The following SLC32A1 variants were observed in gnomAD, a reference collection of about 807,000 sequenced individuals.
SLC32A1 encodes the protein vesicular inhibitory amino acid transporter.
Under a neutral mutation model 35.5 loss-of-function variants are expected in SLC32A1, and 8 were observed. That is an observed-to-expected ratio of 0.23 (90% CI 0.13 to 0.41). The LOEUF is 0.41. Among genes scored for constraint, SLC32A1 ranks in the 10% least tolerant of loss-of-function variants. The pLI is 1.00. For missense variants in SLC32A1, 493 were observed against 722.3 expected (o/e 0.68, Z 3.64); for synonymous variants, 317 against 326.3 (o/e 0.97, Z 0.31).
In SLC32A1 at chr20:38,727,741, A is replaced by G. The variant is rs1291265376; in HGVS notation, c.680A>G (p.Asn227Ser). The G allele has an allele frequency of 6.2e-7, 1 of 1,613,936 alleles. No individual in the cohort carries two copies. The highest frequency in any genetic ancestry group is 1.1e-5 in the South Asian group (1 of 91,058). Reference protein sequence around the residue: ...TCILYVVVSGNLMYNSFPGLP... With the variant: ...TCILYVVVSGSLMYNSFPGLP... ...ATCCTGTACGTGGTGGTGAGTGGCA[A>G]CCTCATGTACAACAGCTTCCCGGGG... is the stretch of plus-strand genomic sequence containing the variant. Residue 227 changes from asparagine to serine, a missense_variant, in exon 2 of 2, where the codon AAC (asparagine) becomes AGC (serine). By Grantham distance (46) the Asn-to-Ser change is conservative (BLOSUM62 1). Coordinates refer to ENST00000217420, the MANE Select transcript of SLC32A1 (RefSeq NM_080552.3).
Position 38,729,094 on chromosome 20 carries a change from C to T in SLC32A1, c.*455C>T, listed in dbSNP as rs1470332755. On this transcript the variant is annotated 3_prime_UTR_variant, in exon 2 of 2. Coordinates refer to ENST00000217420, the MANE Select transcript of SLC32A1 (RefSeq NM_080552.3). ...AGCGCTTCCCATTCCGGAGACGTTT[C>T]AACCCTGCAGCGGGAAAGGCTGACT... 1 of 157,010 alleles carries T rather than the reference C, an allele frequency of 6.4e-6. No homozygotes were observed. Among genetic ancestry groups the T allele is most frequent in the African/African-American group, 2.4e-5 (1 of 41,636 alleles). The allele number at this position is 157,010 out of a possible 1,614,324, so 9.7% of individuals were successfully genotyped here. A position where few individuals can be genotyped will look rare whatever the true frequency, so the allele number is the denominator to read the frequency against.
chr20:38,728,988 G>A lies in SLC32A1; in HGVS notation c.*349G>A. 3.7e-6 allele frequency: 1 copy of A among 268,366 alleles called. No individual in the cohort carries two copies. The highest frequency in any genetic ancestry group is 9.1e-5 in the South Asian group (1 of 10,978). The allele number at this position is 268,366 out of a possible 1,614,324, so 16.6% of individuals were successfully genotyped here. A position where few individuals can be genotyped will look rare whatever the true frequency, so the allele number is the denominator to read the frequency against. The stretch of plus-strand genomic sequence containing the variant: ...GGAGGGAGAGGGGGCGCAGCTCGCA[G>A]GCGTGGCAACTTGACCTTGGGGGAA... On this transcript the variant is annotated 3_prime_UTR_variant, in exon 2 of 2. Transcript: ENST00000217420.
At chr20:38,727,132 C>T (rs1476747078) in intron 1 of SLC32A1, among the ~76,000 whole-genome samples, 1 of 152,162 alleles carries the variant, frequency 6.6e-6, no homozygotes, top group African/African-American at 2.4e-5. Flanking sequence ...TCTCCCTTCC[C>T]TCCTGTGGCT....
chr20:38,725,244 C>CCAT (rs1189763615), intron 1 of SLC32A1, 130 bp downstream of exon 1: 13 of 1,195,890 alleles, frequency 1.1e-5, no homozygotes, highest in Middle Eastern at 3.0e-4. Context: ...CTCCCTTTCT[C>CCAT]CATCCCTCCC....
At position 38,727,445 on chromosome 20, in the gene SLC32A1, C is replaced by T. The variant is rs1205286273; in HGVS notation, c.391-7C>T. ...CGTCCGCGTCTGGTTGCCTCTCCGC[C>T]CCACAGGGCATGTTCGTGCTGGGCC... On this transcript the variant is annotated splice_region_variant and splice_polypyrimidine_tract_variant and intron_variant, in intron 1 of 1. Coordinates refer to ENST00000217420, the MANE Select transcript of SLC32A1 (RefSeq NM_080552.3). 15 of 1,601,504 alleles carry T rather than the reference C, an allele frequency of 9.4e-6. No homozygotes were observed. Among genetic ancestry groups the T allele is most frequent in the Non-Finnish European group, 1.3e-5 (15 of 1,174,512 alleles).
chr20:38,726,608 T>C lies in SLC32A1; in HGVS notation c.391-844T>C, dbSNP rs918479660. On this transcript the variant is annotated intron_variant, in intron 1 of 1. Coordinates refer to ENST00000217420, the MANE Select transcript of SLC32A1 (RefSeq NM_080552.3). This position sits in a 1 kb window ranked among gnomAD's most constrained non-coding sequence, Gnocchi z 4.7. Reference sequence around the variant, plus strand: ...CCTGAAGCTTCTGGTTCTAGACTCTTGCTCGGTTCGGCTTTCTGGCCTCCC... The same window carrying C: ...CCTGAAGCTTCTGGTTCTAGACTCTCGCTCGGTTCGGCTTTCTGGCCTCCC... Among the ~76,000 whole-genome samples the C allele has an allele frequency of 7.9e-5, 12 of 152,152 alleles. No individual in the cohort carries two copies. Among genetic ancestry groups the C allele is most frequent in the Admixed American group, 1.3e-4 (2 of 15,284 alleles).
At position 38,727,579 on chromosome 20, in the gene SLC32A1, A is replaced by G; in HGVS notation, c.518A>G (p.Glu173Gly). Residue 173 changes from glutamate (E) to glycine (G), a missense_variant, in exon 2 of 2, where the codon GAG (glutamate) becomes GGG (glycine). Physicochemically the swap from Glu to Gly is moderately conservative, Grantham distance 98 (BLOSUM62 -2). Coordinates refer to ENST00000217420, the MANE Select transcript of SLC32A1 (RefSeq NM_080552.3). ...GKILIACLYE[E>G]NEDGEVVRVR... ...ATCCTCATCGCGTGCCTGTACGAGG[A>G]GAATGAAGACGGCGAGGTGGTGCGC... is the stretch of plus-strand genomic sequence containing the variant. The G allele has an allele frequency of 6.2e-7, 1 of 1,611,446 alleles. No individual in the cohort carries two copies. Among genetic ancestry groups the G allele is most frequent in the Non-Finnish European group, 8.5e-7 (1 of 1,180,036 alleles).
At chr20:38,727,357 C>G (rs1226938125) in intron 1 of SLC32A1, 95 bp from the exon 2 acceptor site, 23 of 1,204,750 alleles carry the variant, frequency 1.9e-5, no homozygotes, top group East Asian at 4.8e-5. Flanking sequence ...CTTAGCGCCC[C>G]CTTCGGGCCA....
In SLC32A1 at chr20:38,727,469, C is replaced by A; in HGVS notation, c.408C>A (p.Gly136=). 6.2e-7 allele frequency: 1 copy of A among 1,608,672 alleles called. No homozygotes were observed. The highest frequency in any genetic ancestry group is 8.5e-7 in the Non-Finnish European group (1 of 1,179,884). Residue 136 remains glycine (G), a synonymous_variant, in exon 2 of 2, where the codon GGC becomes GGA. Coordinates refer to ENST00000217420, the MANE Select transcript of SLC32A1 (RefSeq NM_080552.3). ...TNAIQGMFVL[G]LPYAILHGGY... ...CCCCACAGGGCATGTTCGTGCTGGG[C>A]CTACCCTACGCCATCCTGCACGGCG...
At chr20:38,725,869 C>G (rs991743145) in intron 1 of SLC32A1, among the ~76,000 whole-genome samples, 1 of 152,212 alleles carries the variant, frequency 6.6e-6, no homozygotes, top group Non-Finnish European at 1.5e-5. Flanking sequence ...CACACATGCT[C>G]CCACACAAAC....
intron 1 of SLC32A1, among the ~76,000 whole-genome samples, chr20:38,725,535 C>T (rs776041141): frequency 1.3e-4 from 20 of 152,088 alleles, no homozygotes; most frequent in Non-Finnish European, 2.4e-4. Flanking sequence ...GTCGGAGTCT[C>T]CTCCCCCCGC....
intron 1 of SLC32A1, among the ~76,000 whole-genome samples, chr20:38,725,927 C>G (rs2084274258): frequency 6.6e-6 from 1 of 152,224 alleles, no homozygotes; most frequent in African/African-American, 2.4e-5. Context: ...AGACTCGCCC[C>G]TCTCGCCCGA....
At position 38,727,660 on chromosome 20, in the gene SLC32A1, C is replaced by T. The variant is rs761280843; in HGVS notation, c.599C>T (p.Thr200Met). Reference sequence around the variant, plus strand: ...GCCTGCTGCGCCCCGCGCTTCCCAACGCTGGGCGGCCGAGTGGTGAACGTA... The same window carrying T: ...GCCTGCTGCGCCCCGCGCTTCCCAATGCTGGGCGGCCGAGTGGTGAACGTA... ...ANACCAPRFP[T>M]LGGRVVNVAQ... is the part of the protein sequence containing the mutation. Residue 200 changes from threonine to methionine, a missense_variant, in exon 2 of 2, where the codon ACG becomes ATG. Around this residue, in one of 4 missense-constraint regions of SLC32A1, gnomAD observed 269 missense variants for 445.6 expected, o/e 0.60. Transcript: ENST00000217420. The T allele has an allele frequency of 1.2e-6, 2 of 1,614,054 alleles. No homozygotes were observed. Among genetic ancestry groups the T allele is most frequent in the African/African-American group, 1.3e-5 (1 of 74,952 alleles).
chr20:38,728,332 G>T lies in SLC32A1; in HGVS notation c.1271G>T (p.Gly424Val). ...SRAFFPACYSGDGRLKSWGLT... is the reference protein window; with the variant it reads ...SRAFFPACYSVDGRLKSWGLT... ...GCCTTTTTCCCGGCCTGCTACAGCG[G>T]CGACGGGCGCCTGAAGTCCTGGGGG... is the stretch of plus-strand genomic sequence containing the variant. The change falls in exon 2 of 2, where the codon GGC becomes GTC. Residue 424 changes from glycine (G) to valine (V), a missense_variant. Transcript: ENST00000217420. 1 of 1,613,234 alleles carries T rather than the reference G, an allele frequency of 6.2e-7. No individual in the cohort carries two copies. Among genetic ancestry groups the T allele is most frequent in the Non-Finnish European group, 8.5e-7 (1 of 1,179,798 alleles).
chr20:38,728,249 G>A lies in SLC32A1; in HGVS notation c.1188G>A (p.Leu396=). 1 of 1,614,062 alleles carries A rather than the reference G, an allele frequency of 6.2e-7. No individual in the cohort carries two copies. The highest frequency in any genetic ancestry group is 2.2e-5 in the East Asian group (1 of 44,886). Residue 396 remains leucine, a synonymous_variant, in exon 2 of 2, where the codon CTG becomes CTA. Transcript: ENST00000217420. ...LVAKALLSYP[L]PFFAAVEVLE... ...CCAAGGCGCTGTTGTCCTATCCTCT[G>A]CCATTCTTTGCCGCTGTCGAGGTGC...
At chr20:38,725,879 C>T (rs971659838) in intron 1 of SLC32A1, among the ~76,000 whole-genome samples, 1 of 152,210 alleles carries the variant, frequency 6.6e-6, no homozygotes, top group Non-Finnish European at 1.5e-5. Flanking sequence ...CCCACACAAA[C>T]ACATTTAGTC....
Position 38,724,605 on chromosome 20 carries a change from G to C in SLC32A1, c.-120G>C. 3.9e-6 allele frequency: 5 copies of C among 1,278,530 alleles called. No individual in the cohort carries two copies. Among genetic ancestry groups the C allele is most frequent in the Non-Finnish European group, 5.3e-6 (5 of 948,782 alleles). The allele number at this position is 1,278,530 out of a possible 1,614,324, so 79.2% of individuals were successfully genotyped here. ...GAGGGTCATGAGCCAGAGAGCCCCG[G>C]GGCGCCGCGCGGAGAGCAAGCGGAG... On this transcript the variant is annotated 5_prime_UTR_variant, in exon 1 of 2. Transcript: ENST00000217420.
In SLC32A1 at chr20:38,727,797, A is replaced by G; in HGVS notation, c.736A>G (p.Ile246Val). ...LPVSQKSWSI[I>V]ATAVLLPCAF... The stretch of plus-strand genomic sequence containing the variant: ...CGTGTCGCAGAAGTCCTGGTCCATT[A>G]TCGCCACGGCCGTGCTGCTGCCTTG... The change falls in exon 2 of 2, where the codon ATC becomes GTC. Residue 246 changes from isoleucine (I) to valine (V), a missense_variant. Transcript: ENST00000217420. 6.2e-7 allele frequency: 1 copy of G among 1,614,186 alleles called. No homozygotes were observed. The highest frequency in any genetic ancestry group is 8.5e-7 in the Non-Finnish European group (1 of 1,180,038).
chr20:38,728,186 C>T lies in SLC32A1; in HGVS notation c.1125C>T (p.Pro375=). ...AGGAGGTCATCACGGATAACCTGCCCGGCTCCATCCGCGCCGTGGTCAACA... is the reference window on the plus strand; with the variant it reads ...AGGAGGTCATCACGGATAACCTGCCTGGCTCCATCCGCGCCGTGGTCAACA... ...ETKEVITDNL[P]GSIRAVVNIF... The change falls in exon 2 of 2, where the codon CCC becomes CCT. Residue 375 remains proline, a synonymous_variant. Transcript: ENST00000217420. 6.2e-7 allele frequency: 1 copy of T among 1,614,164 alleles called. No individual in the cohort carries two copies. The highest frequency in any genetic ancestry group is 1.6e-4 in the Middle Eastern group (1 of 6,062).
Sources: allele counts gnomAD v4.1 joint callset (sites outside exome capture counted in the v4.1 genomes callset), GRCh38; gene constraint gnomAD v4.1.1; regional missense constraint gnomAD v4.1.1; non-coding constraint Gnocchi (gnomAD v3.1); transcripts MANE v1.5; gene names NCBI Gene and HGNC (gene_info 2026-07-23, HGNC 2026-07-21).